The following RAD51B variants were observed in gnomAD, a reference collection of about 807,000 sequenced individuals.
RAD51B encodes the protein RAD51 paralog B.
A neutral mutation model predicts 42.2 loss-of-function variants in RAD51B; 38 were observed. The ratio of observed to expected loss-of-function variants is 0.90; its 90% CI spans 0.70 to 1.18. The LOEUF (loss-of-function observed/expected upper bound fraction) is 1.18. Ranked by LOEUF, RAD51B falls within the 50% of genes most tolerant of loss-of-function variation. The pLI, the probability that RAD51B is intolerant of heterozygous loss-of-function variation, is 0.00. For synonymous variants in RAD51B, 154 were observed against 145.2 expected, an observed-to-expected ratio of 1.06 and a Z score of -0.43; for missense variants, 373 against 400.7, an observed-to-expected ratio of 0.93 and a Z score of 0.59.
downstream of RAD51B, among the ~76,000 whole-genome samples, chr14:68,612,251 C>A (rs1490978695): frequency 6.6e-6 from 1 of 152,190 alleles, no homozygotes; most frequent in Non-Finnish European, 1.5e-5. Flanking sequence ...AGGAGACAGA[C>A]TGACGAGGGA....
chr14:68,135,238 G>C (rs568053986), intron 7 of RAD51B, among the ~76,000 whole-genome samples: 3 of 152,246 alleles, frequency 2.0e-5, no homozygotes, highest in Admixed American at 6.5e-5. Context: ...TTCATTTTGA[G>C]TTTCAGCAAG....
chr14:68,094,413 C>T (rs916995560), intron 7 of RAD51B, among the ~76,000 whole-genome samples: 1 of 152,132 alleles, frequency 6.6e-6, no homozygotes, highest in Non-Finnish European at 1.5e-5. Flanking sequence ...CATGCTGTAT[C>T]ATGGATTCAT....
At chr14:68,353,103 G>T (rs1002614444) in intron 8 of RAD51B, among the ~76,000 whole-genome samples, 3 of 152,142 alleles carry the variant, frequency 2.0e-5, no homozygotes, top group African/African-American at 7.2e-5. Flanking sequence ...CCCCCTCTGG[G>T]CCTCTTCCCT....
intron 9 of RAD51B, among the ~76,000 whole-genome samples, chr14:68,463,148 A>C (rs117564009): frequency 6.6e-6 from 1 of 152,212 alleles, no homozygotes; most frequent in Admixed American, 6.5e-5. Flanking sequence ...GAACCAGCAC[A>C]GCCTAAATTA....
chr14:68,650,820 A>T (rs1332377750), exon 11 of RAD51B: 1 of 761,182 alleles, frequency 1.3e-6, no homozygotes, highest in Non-Finnish European at 2.4e-6. Context: ...TCAATCCAGA[A>T]CAGACTAAAA....
intron 7 of RAD51B, among the ~76,000 whole-genome samples, chr14:67,991,216 C>T (rs1200073899): frequency 5.9e-5 from 9 of 152,144 alleles, no homozygotes; most frequent in Non-Finnish European, 2.9e-5. Context: ...AGATCACAGA[C>T]CCTAAACATC....
intron 7 of RAD51B, among the ~76,000 whole-genome samples, chr14:68,022,324 G>A (rs759430821): frequency 7.9e-5 from 12 of 151,954 alleles, no homozygotes; most frequent in African/African-American, 1.5e-4. Flanking sequence ...TTCTTTATCC[G>A]ATCCATTATT....
intron 7 of RAD51B, among the ~76,000 whole-genome samples, chr14:68,203,643 A>G (rs1012318175): frequency 6.6e-6 from 1 of 152,094 alleles, no homozygotes; most frequent in Non-Finnish European, 1.5e-5. Flanking sequence ...TTGAGCTTTG[A>G]CAGTCTGAGA....
In RAD51B at chr14:67,864,961, C is replaced by CTT. The variant is rs745505141; in HGVS notation, c.316-4_316-3dup. 1.9e-3 allele frequency: 1,201 copies of CTT among 645,044 alleles called. 545 individuals are homozygous for CTT. Among genetic ancestry groups the CTT allele is most frequent in the African/African-American group, 6.9e-3 (183 of 26,444 alleles). 40.0% of individuals were successfully genotyped at this position (645,044 alleles called of 1,614,324 possible). ...TGGCTTGTGATGTTTATCTAAAAAA[C>CTT]TTTTTTTTTTTTTTTTTTTTTTTTT... On this transcript the variant is annotated intron_variant, in intron 4 of 10. Transcript: ENST00000471583.
At chr14:67,822,819 A>G (rs2040679939) in intron 1 of RAD51B, among the ~76,000 whole-genome samples, 1 of 152,180 alleles carries the variant, frequency 6.6e-6, no homozygotes, top group Admixed American at 6.5e-5. Context: ...TCTGACTCCT[A>G]GAAAAAGGAA....
intron 8 of RAD51B, among the ~76,000 whole-genome samples, chr14:68,314,718 T>C (rs2082022805): frequency 6.6e-6 from 1 of 152,192 alleles, no homozygotes; most frequent in Non-Finnish European, 1.5e-5. Context: ...TCATCCACTG[T>C]GTCCAAGCTT....
chr14:68,123,283 G>A (rs928769754), intron 7 of RAD51B, among the ~76,000 whole-genome samples: 1 of 150,102 alleles, frequency 6.7e-6, no homozygotes, highest in African/African-American at 2.5e-5. Flanking sequence ...AACCTCTCAG[G>A]CTCACATGAT....
chr14:67,919,692 C>T (rs888693642), intron 7 of RAD51B, among the ~76,000 whole-genome samples: 7 of 152,146 alleles, frequency 4.6e-5, no homozygotes, highest in Non-Finnish European at 1.0e-4. Context: ...GCACCGTACA[C>T]GTTAATAAAC....
intron 10 of RAD51B, among the ~76,000 whole-genome samples, chr14:68,602,963 A>G (rs934562020): frequency 1.3e-5 from 2 of 152,194 alleles, no homozygotes; most frequent in African/African-American, 2.4e-5. Flanking sequence ...GGACAGGTAC[A>G]TATTTGTTGA....
chr14:68,072,419 G>A (rs180764702), intron 7 of RAD51B, among the ~76,000 whole-genome samples: 2 of 152,028 alleles, frequency 1.3e-5, no homozygotes, highest in Admixed American at 6.6e-5. Flanking sequence ...ACTGTTTGAG[G>A]GCAGGAAGCA....
chr14:68,551,158 G>A (rs1298405561), intron 10 of RAD51B, among the ~76,000 whole-genome samples: 9 of 152,150 alleles, frequency 5.9e-5, no homozygotes, highest in South Asian at 2.1e-4. Context: ...GGCCTCAGGC[G>A]TGCTCTCCCC....
In RAD51B at chr14:68,127,406, G is replaced by A. The variant is rs144470858; in HGVS notation, c.757-164478G>A. Among the ~76,000 whole-genome samples the A allele has an allele frequency of 6.6e-3, 1,004 of 152,190 alleles. 30 individuals carry two copies. Among genetic ancestry groups the A allele is most frequent in the Non-Finnish European group, 3.4e-3 (230 of 68,026 alleles). On this transcript the variant is annotated intron_variant, in intron 7 of 10. Transcript: ENST00000471583. ...TTAGACTGCAAATTCCATGGGGATA[G>A]GACTAAGTCCTCCATCTGTATTAAC...
chr14:68,259,088 A>G (rs1391015676), intron 7 of RAD51B, among the ~76,000 whole-genome samples: 1 of 152,140 alleles, frequency 6.6e-6, no homozygotes. Flanking sequence ...GCTCAGACAT[A>G]TTTGTGAGAC....
At chr14:68,563,830 T>G in intron 10 of RAD51B, 1 of 985,448 alleles carries the variant, frequency 1.0e-6, no homozygotes, top group Non-Finnish European at 1.2e-6. Context: ...GGAACGTGCT[T>G]TTTTACCTCC....
Sources: allele counts gnomAD v4.1 joint callset (sites outside exome capture counted in the v4.1 genomes callset), GRCh38; gene constraint gnomAD v4.1.1; transcripts MANE v1.5; gene names NCBI Gene and HGNC (gene_info 2026-07-23, HGNC 2026-07-21).